The following PNKP variants were observed in gnomAD, a reference collection of about 807,000 sequenced individuals.
PNKP encodes the protein polynucleotide kinase 3'-phosphatase.
PNKP carries 82 observed loss-of-function variants against 66.2 expected under a neutral mutation model. The observed-to-expected ratio is 1.24, with a 90% CI of 1.04 to 1.49. The LOEUF is 1.49. Among genes scored for constraint, PNKP ranks in the 40% most tolerant of loss-of-function variants. The probability of loss-of-function intolerance (pLI) is 0.00; values close to 1 mark genes in which losing one functional copy is unlikely to be tolerated. For missense variants in PNKP, 907 were observed against 706.8 expected (o/e 1.28, Z -3.21); for synonymous variants, 412 against 298.9 (o/e 1.38, Z -3.90).
intron 3 of PNKP, 94 bp from the exon 4 acceptor site, chr19:49,865,520 C>T (rs2074812228): frequency 2.4e-6 from 2 of 839,776 alleles, no homozygotes; most frequent in Non-Finnish European, 4.0e-6. Context: ...CCCTTCTCCA[C>T]CACTATCAGA....
intron 3 of PNKP, 55 bp from the exon 4 acceptor site, chr19:49,865,481 T>G: frequency 7.7e-7 from 1 of 1,305,112 alleles, no homozygotes; most frequent in Non-Finnish European, 1.1e-6. Flanking sequence ...GGGAGCTTCC[T>G]CCAATCAAAT....
chr19:49,863,817 C>T, intron 7 of PNKP, 57 bp from the exon 8 acceptor site: 1 of 1,479,744 alleles, frequency 6.8e-7, no homozygotes, highest in Middle Eastern at 1.7e-4. Flanking sequence ...TACTGGATGC[C>T]ACCCCAGCCC....
chr19:49,861,241 G>T lies in PNKP; in HGVS notation c.*7C>A, dbSNP rs781276020. 6 of 1,552,744 alleles carry T rather than the reference G, an allele frequency of 3.9e-6. No homozygotes were observed. The Admixed American group carries it at 1.0e-4, about 26-fold the overall frequency. On this transcript the variant is annotated 3_prime_UTR_variant, in exon 17 of 17. Coordinates refer to ENST00000322344, the MANE Select transcript of PNKP (RefSeq NM_007254.4). ...AGCGTTTATTGTGGAGGGGAGCTGG[G>T]CGGGGCTCAGCCCTCGGAGAACTGG...
chr19:49,865,171 TC>T lies in PNKP; in HGVS notation c.453del (p.Lys152SerfsTer3), dbSNP rs1197959493. 6.2e-7 allele frequency: 1 copy of T among 1,614,160 alleles called. No individual in the cohort carries two copies. The highest frequency in any genetic ancestry group is 8.5e-7 in the Non-Finnish European group (1 of 1,180,024). On this transcript the variant is annotated frameshift_variant, in exon 4 of 17. Transcript: ENST00000322344. LOFTEE classifies it high-confidence loss of function. ...CCAGCTGCGGTGAACACTAGCAACT[TC>T]TCCAAGTTCTCCCAGCCGGGGTTTG... ...RKSNPGWENL[E>X]KLLVFTAAGV... is the part of the protein sequence containing the mutation.
At position 49,862,420 on chromosome 19, in the gene PNKP, AACTCCT is replaced by A. The variant is rs776227093; in HGVS notation, c.974_979del (p.Glu325_Phe327delinsVal). On this transcript the variant is annotated inframe_deletion, in exon 11 of 17. Transcript: ENST00000322344. ...GCCGGCTGCTGGCCACTTGAGAAAG[AACTCCT>A]CAGGCGTGGCGAAGGGCAGGCCAAG... 2 of 1,576,444 alleles carry A rather than the reference AACTCCT, an allele frequency of 1.3e-6. No homozygotes were observed. The highest frequency in any genetic ancestry group is 2.3e-5 in the South Asian group (2 of 86,212).
At position 49,862,125 on chromosome 19, in the gene PNKP, G is replaced by A. The variant is rs1033301071; in HGVS notation, c.1127-20C>T. ...TCCCGGCTGTGTGGGGGGCAGTGTC[G>A]GTGGGTGGCCTAGGACCCAGGCGGG... On this transcript the variant is annotated intron_variant, in intron 12 of 16. Transcript: ENST00000322344. The A allele has an allele frequency of 8.1e-6, 13 of 1,614,112 alleles. No homozygotes were observed. The highest frequency in any genetic ancestry group is 2.2e-5 in the East Asian group (1 of 44,876).
chr19:49,861,383 A>C lies in PNKP; in HGVS notation c.1449-18T>G. ...ACTGCTTCCTGGCAGTGGTGGGAAC[A>C]GTGAGGGACAGCCTGGATCATGTGG... On this transcript the variant is annotated intron_variant, in intron 16 of 16. Transcript: ENST00000322344. 1 of 1,613,918 alleles carries C rather than the reference A, an allele frequency of 6.2e-7. No individual in the cohort carries two copies.
At chr19:49,864,524 G>T (rs1287897962) in intron 4 of PNKP, 121 bp from the exon 5 acceptor site, 3 of 796,150 alleles carry the variant, frequency 3.8e-6, no homozygotes, top group Non-Finnish European at 4.4e-6. Context: ...CACAGATGGG[G>T]AAACCGAGTC....
chr19:49,861,252 C>G lies in PNKP; in HGVS notation c.1562G>C (p.Gly521Ala). 1.3e-6 allele frequency: 2 copies of G among 1,591,226 alleles called. No homozygotes were observed. The highest frequency in any genetic ancestry group is 1.7e-6 in the Non-Finnish European group (2 of 1,159,432). The stretch of plus-strand genomic sequence containing the variant: ...TGGAGGGGAGCTGGGCGGGGCTCAG[C>G]CCTCGGAGAACTGGCAGTACAGCCG... Reference protein sequence around the residue: ...LGRLYCQFSEG With the variant: ...LGRLYCQFSEA Residue 521 changes from glycine to alanine, a missense_variant, in exon 17 of 17, where the codon GGC becomes GCC. Transcript: ENST00000322344.
At chr19:49,862,132 G>T in intron 12 of PNKP, 27 bp from the exon 13 acceptor site, 1 of 1,613,980 alleles carries the variant, frequency 6.2e-7, no homozygotes, top group Non-Finnish European at 8.5e-7. Context: ...GTCGGTGGGT[G>T]GCCTAGGACC....
rs759530456 is a variant in PNKP at position 49,865,219 on chromosome 19, G to C, written c.406C>G (p.Pro136Ala). The C allele has an allele frequency of 4.3e-6, 7 of 1,614,230 alleles. No homozygotes were observed. Among genetic ancestry groups the C allele is most frequent in the Non-Finnish European group, 5.9e-6 (7 of 1,180,046 alleles). Reference protein sequence around the residue: ...SQDEKRDAELPKKRMRKSNPG... With the variant: ...SQDEKRDAELAKKRMRKSNPG... Reference sequence around the variant, plus strand: ...TTTGACTTCCGCATACGCTTCTTCGGCAGCTCAGCATCTCTCTTCTCATCT... The same window carrying C: ...TTTGACTTCCGCATACGCTTCTTCGCCAGCTCAGCATCTCTCTTCTCATCT... The change falls in exon 4 of 17, where the codon CCG (proline) becomes GCG (alanine). Residue 136 changes from proline (P) to alanine (A), a missense_variant. Pro to Ala is a conservative substitution (Grantham distance 27, BLOSUM62 -1). Coordinates refer to ENST00000322344, the MANE Select transcript of PNKP (RefSeq NM_007254.4).
At chr19:49,866,764 G>A (rs1272709800) in intron 2 of PNKP, 19 of 593,288 alleles carry the variant, frequency 3.2e-5, no homozygotes, top group Non-Finnish European at 4.8e-5. Flanking sequence ...TTCTCCACAG[G>A]ATCATTTTTC....
intron 2 of PNKP, chr19:49,866,776 C>G: frequency 1.7e-6 from 1 of 594,840 alleles, no homozygotes; most frequent in South Asian, 2.0e-5. Context: ...TCATTTTTCT[C>G]TTGACGAAGG....
At chr19:49,862,162 G>A (rs748938228) in intron 12 of PNKP, 23 bp downstream of exon 12, 7 of 1,613,134 alleles carry the variant, frequency 4.3e-6, no homozygotes, top group Non-Finnish European at 5.9e-6. Flanking sequence ...CTCAGGGCAC[G>A]CGCACAGGAA....
Position 49,865,104 on chromosome 19 carries a change from T to A in PNKP, c.498+23A>T, listed in dbSNP as rs1290649. ...TGGGTCCCAGTCTGTGGCGGCTCCCTCAGCCCTCGGCGTGGCCCTCACCTT... is the reference window on the plus strand; with the variant it reads ...TGGGTCCCAGTCTGTGGCGGCTCCCACAGCCCTCGGCGTGGCCCTCACCTT... On this transcript the variant is annotated intron_variant, in intron 4 of 16. Transcript: ENST00000322344. 0.4 allele frequency: 636,062 copies of A among 1,605,114 alleles called. 128,076 individuals are homozygous for A. The highest frequency in any genetic ancestry group is 0.51 in the Middle Eastern group (2,705 of 5,338).
rs1157195807 is a variant in PNKP, at chr19:49,864,073, T to C, written c.637-2A>G. 6.2e-7 allele frequency: 1 copy of C among 1,613,562 alleles called. No homozygotes were observed. Among genetic ancestry groups the C allele is most frequent in the Non-Finnish European group, 8.5e-7 (1 of 1,179,744 alleles). On this transcript the variant is annotated splice_acceptor_variant, in intron 6 of 16. Transcript: ENST00000322344. LOFTEE classifies it high-confidence loss of function. ...CATCTGGTTGGTGAAGATCACCAGC[T>C]GGGGAGCAAAGGGTGTCACCAGACG...
intron 4 of PNKP, 104 bp from the exon 5 acceptor site, chr19:49,864,507 G>T: frequency 1.2e-6 from 1 of 863,604 alleles, no homozygotes; most frequent in Non-Finnish European, 2.0e-6. Flanking sequence ...TGTTATCACT[G>T]CCATCTCACA....
chr19:49,866,620 G>A, intron 2 of PNKP, 175 bp from the exon 3 acceptor site: 2 of 719,840 alleles, frequency 2.8e-6, no homozygotes, highest in East Asian at 5.4e-5. Flanking sequence ...AGGATTGCCT[G>A]ACACTGGTCC....
rs1285422118 is a variant in PNKP, at chr19:49,862,202, G to A, written c.1109C>T (p.Ala370Val). ...ACACTTACCCCCAGGGAATCCCACT[G>A]CGACAACCACCTCCGGGCTGGCGCT... ...LLSASPEVVVAVGFPGAGKST... is the reference protein window; with the variant it reads ...LLSASPEVVVVVGFPGAGKST... Residue 370 changes from alanine to valine, a missense_variant, in exon 12 of 17, where the codon GCA becomes GTA. Coordinates refer to ENST00000322344, the MANE Select transcript of PNKP (RefSeq NM_007254.4). 1 of 1,613,776 alleles carries A rather than the reference G, an allele frequency of 6.2e-7. No individual in the cohort carries two copies. The highest frequency in any genetic ancestry group is 1.7e-5 in the Admixed American group (1 of 59,978).
Sources: allele counts gnomAD v4.1 joint callset, GRCh38; gene constraint gnomAD v4.1.1; transcripts MANE v1.5; gene names NCBI Gene and HGNC (gene_info 2026-07-23, HGNC 2026-07-21).